Variants in CPNE8 observed in about 807,000 individuals in gnomAD.
CPNE8 encodes the protein copine-8.
Under a neutral mutation model 81.5 loss-of-function variants are expected in CPNE8, and 45 were observed. That is an observed-to-expected ratio of 0.55 (90% confidence interval 0.44 to 0.71). CPNE8 has a LOEUF of 0.71. CPNE8 is among the 30% of genes least tolerant of loss of function. CPNE8 has a pLI of 0.00. For missense variants in CPNE8, 594 were observed against 672.1 expected (o/e 0.88, Z 1.28); for synonymous variants, 252 against 226.3 (o/e 1.11, Z -1.02).
upstream of CPNE8, chr12:38,906,053 C>T (rs1222565274): frequency 1.0e-6 from 1 of 986,626 alleles, no homozygotes; most frequent in African/African-American, 1.7e-5. Context: ...GAAGTTTCCT[C>T]GCCTGAGTTG....
At chr12:38,780,602 G>A (rs1012889085) in intron 6 of CPNE8, among the ~76,000 whole-genome samples, 4 of 151,936 alleles carry the variant, frequency 2.6e-5, no homozygotes, top group Non-Finnish European at 5.9e-5. Context: ...GAACCAGACA[G>A]AAAAGACAGA....
chr12:38,763,741 T>A (rs1167427402), intron 8 of CPNE8, among the ~76,000 whole-genome samples: 1 of 152,216 alleles, frequency 6.6e-6, no homozygotes, highest in Non-Finnish European at 1.5e-5. Context: ...GCATTCAAAG[T>A]GATCTTCACT....
intron 3 of CPNE8, among the ~76,000 whole-genome samples, chr12:38,856,916 T>C (rs1276349404): frequency 3.9e-5 from 6 of 152,072 alleles, no homozygotes; most frequent in Admixed American, 2.0e-4. Flanking sequence ...TTAAGGAAAA[T>C]TGTGACTGCA....
chr12:38,707,736 A>G (rs1940147200), intron 13 of CPNE8, among the ~76,000 whole-genome samples: 1 of 152,198 alleles, frequency 6.6e-6, no homozygotes, highest in African/African-American at 2.4e-5. Flanking sequence ...TGCCTTTATT[A>G]CTTTGAATCA....
intron 19 of CPNE8, among the ~76,000 whole-genome samples, chr12:38,663,821 G>T (rs1270484314): frequency 6.6e-6 from 1 of 152,112 alleles, no homozygotes; most frequent in Non-Finnish European, 1.5e-5. Flanking sequence ...GTCACTTGCG[G>T]CAGCATGGAT....
chr12:38,653,748 C>T lies in CPNE8; in HGVS notation c.*134G>A. 1 of 1,279,108 alleles carries T rather than the reference C, an allele frequency of 7.8e-7. No homozygotes were observed. Among genetic ancestry groups the T allele is most frequent in the Non-Finnish European group, 1.0e-6 (1 of 988,772 alleles). 79.2% of individuals were successfully genotyped at this position (1,279,108 alleles called of 1,614,324 possible). ...TTTAGGAAGATATTTAAATTTGGAT[C>T]CAAGAAAGCACATTAACTGCTGAAA... On this transcript the variant is annotated 3_prime_UTR_variant, in exon 20 of 20. Coordinates refer to ENST00000331366, the MANE Select transcript of CPNE8 (RefSeq NM_153634.3).
At chr12:38,816,446 C>T (rs1338150048) in intron 6 of CPNE8, among the ~76,000 whole-genome samples, 2 of 152,070 alleles carry the variant, frequency 1.3e-5, no homozygotes, top group Admixed American at 1.3e-4. Flanking sequence ...TTCTTTGATC[C>T]AGCATGCTGT....
At chr12:38,712,205 A>AT (rs200471171) in intron 13 of CPNE8, among the ~76,000 whole-genome samples, 2,917 of 135,920 alleles carry the variant, frequency 0.021, 35 homozygotes, top group African/African-American at 0.025. Flanking sequence ...CAATGATGCC[A>AT]TTTTTTTTTT....
chr12:38,795,462 T>G (rs1446024518), intron 6 of CPNE8, among the ~76,000 whole-genome samples: 3 of 152,078 alleles, frequency 2.0e-5, no homozygotes, highest in Non-Finnish European at 4.4e-5. Context: ...ATCTAAGAAG[T>G]AGAAGCAACC....
chr12:38,792,952 A>G (rs1565618227), intron 6 of CPNE8, among the ~76,000 whole-genome samples: 1 of 151,926 alleles, frequency 6.6e-6, no homozygotes, highest in African/African-American at 2.4e-5. Flanking sequence ...TCAATGTAAT[A>G]CACCACATTA....
chr12:38,815,281 GC>G, intron 6 of CPNE8, among the ~76,000 whole-genome samples: 1 of 151,924 alleles, frequency 6.6e-6, no homozygotes, highest in Non-Finnish European at 1.5e-5. Flanking sequence ...CTTTTTTCAA[GC>G]CCCCCAGCAC....
At chr12:38,876,117 C>T (rs1002882566) in intron 1 of CPNE8, among the ~76,000 whole-genome samples, 1 of 152,160 alleles carries the variant, frequency 6.6e-6, no homozygotes, top group African/African-American at 2.4e-5. Context: ...AACAGAAAAT[C>T]ATGTAGTTTC....
intron 2 of CPNE8, among the ~76,000 whole-genome samples, chr12:38,874,242 G>T (rs1944034810): frequency 6.6e-6 from 1 of 152,068 alleles, no homozygotes; most frequent in Non-Finnish European, 1.5e-5. Context: ...TAATTTCAAA[G>T]TGAACTGTCC....
Position 38,723,796 on chromosome 12 carries a change from G to T in CPNE8, c.890C>A (p.Ser297Ter). 1.3e-6 allele frequency: 2 copies of T among 1,588,588 alleles called. No individual in the cohort carries two copies. Among genetic ancestry groups the T allele is most frequent in the Non-Finnish European group, 1.7e-6 (2 of 1,159,564 alleles). The change falls in exon 13 of 20, where the codon TCA (serine) becomes TAA (stop). Residue 297 changes from serine (S) to a stop codon, truncating the protein, a stop_gained. Transcript: ENST00000331366. LOFTEE classifies it high-confidence loss of function. ...CCCTCCCTTAATGTAGTCAAGGAAT[G>T]AAACTTCTGTTTCTACCAAGAAAGA... ...LLSFLVETEV[S>*]FLDYIKGGTQ...
In CPNE8 at chr12:38,704,333, T is replaced by C. The variant is rs566425919; in HGVS notation, c.915-1412A>G. 1.4e-4 allele frequency among the ~76,000 whole-genome samples: 21 copies of C among 152,252 alleles called. No individual in the cohort carries two copies. The South Asian group carries it at 3.9e-3, about 29-fold the overall frequency. On this transcript the variant is annotated intron_variant, in intron 13 of 19. Transcript: ENST00000331366. Reference sequence around the variant, plus strand: ...AAGTATTTCAGACACTAGTCTCCCATTGCTTACAGCATTTCTCTTTGTGTG... The same window carrying C: ...AAGTATTTCAGACACTAGTCTCCCACTGCTTACAGCATTTCTCTTTGTGTG...
intron 10 of CPNE8, among the ~76,000 whole-genome samples, chr12:38,733,525 A>C (rs2136772153): frequency 6.6e-6 from 1 of 152,108 alleles, no homozygotes; most frequent in Non-Finnish European, 1.5e-5. Context: ...GTGATTCAAT[A>C]ATACTGTTTT....
Position 38,790,765 on chromosome 12 carries a change from C to A in CPNE8, c.408-14464G>T, listed in dbSNP as rs531598126. Among the ~76,000 whole-genome samples the A allele has an allele frequency of 4.2e-4, 64 of 151,544 alleles. 1 individual carries two copies. The highest frequency in any genetic ancestry group is 3.0e-3 in the Admixed American group (45 of 15,204). ...AAAAATTAAAAAGATTTAAAAACAACAACAAACAAACAAAAAACAAAATCG... is the reference window on the plus strand; with the variant it reads ...AAAAATTAAAAAGATTTAAAAACAAAAACAAACAAACAAAAAACAAAATCG... On this transcript the variant is annotated intron_variant, in intron 6 of 19. Coordinates refer to ENST00000331366, the MANE Select transcript of CPNE8 (RefSeq NM_153634.3).
intron 14 of CPNE8, among the ~76,000 whole-genome samples, chr12:38,694,953 A>G (rs150592365): frequency 0.013 from 1,974 of 152,304 alleles, 29 homozygotes; most frequent in South Asian, 0.042. Context: ...TACACATAAT[A>G]TTTTTGTCCT....
chr12:38,728,975 C>A (rs956761918), intron 11 of CPNE8, among the ~76,000 whole-genome samples: 1 of 152,136 alleles, frequency 6.6e-6, no homozygotes, highest in Non-Finnish European at 1.5e-5. Context: ...TCTTTGTCAT[C>A]TCATCAGATG....
Sources: allele counts gnomAD v4.1 joint callset (sites outside exome capture counted in the v4.1 genomes callset), GRCh38; gene constraint gnomAD v4.1.1; transcripts MANE v1.5; gene names NCBI Gene and HGNC (gene_info 2026-07-23, HGNC 2026-07-21).